Variants in GPC5 observed in about 807,000 individuals in gnomAD.
GPC5 encodes the protein glypican 5.
Under a neutral mutation model 53.9 loss-of-function variants are expected in GPC5, and 47 were observed. That is an observed-to-expected ratio of 0.87 (90% CI 0.69 to 1.11). GPC5 has a LOEUF of 1.11. Among genes scored for constraint, GPC5 ranks in the 50% most tolerant of loss-of-function variants. GPC5 has a pLI of 0.00. For missense variants in GPC5, 748 were observed against 713.1 expected (o/e 1.05, Z -0.56); for synonymous variants, 286 against 263.3 (o/e 1.09, Z -0.84).
intron 7 of GPC5, among the ~76,000 whole-genome samples, chr13:92,147,068 T>C (rs7321087): frequency 0.028 from 4,328 of 152,150 alleles, 203 homozygotes; most frequent in African/African-American, 0.098. Context: ...TGAAATTGTG[T>C]CATTAAAAAG....
At position 92,741,342 on chromosome 13, in the gene GPC5, T is replaced by C. The variant is rs967557403; in HGVS notation, c.1562-124940T>C. On this transcript the variant is annotated intron_variant, in intron 7 of 7. Transcript: ENST00000377067. ...AGAATTGAGCAATCACATTAATGTA[T>C]TCAGGCAGACCCTTTGCCGTGGGAG... 2.0e-5 allele frequency among the ~76,000 whole-genome samples: 3 copies of C among 151,854 alleles called. No homozygotes were observed. The East Asian group carries it at 5.9e-4, about 30-fold the overall frequency.
chr13:92,751,917 C>CG (rs1243105377), intron 7 of GPC5, among the ~76,000 whole-genome samples: 1 of 152,036 alleles, frequency 6.6e-6, no homozygotes, highest in Non-Finnish European at 1.5e-5. Context: ...GTTTCACTTG[C>CG]GCTGGATCTA....
intron 6 of GPC5, among the ~76,000 whole-genome samples, chr13:91,972,349 C>A (rs566333482): frequency 2.0e-5 from 3 of 152,118 alleles, no homozygotes; most frequent in Non-Finnish European, 4.4e-5. Context: ...TTATTTTAAG[C>A]CTATGTGTGT....
intron 7 of GPC5, among the ~76,000 whole-genome samples, chr13:92,396,313 C>A (rs2139330333): frequency 6.6e-6 from 1 of 152,156 alleles, no homozygotes; most frequent in South Asian, 2.1e-4. Context: ...TTATTTGTAG[C>A]ATTTCCTTTC....
At chr13:92,174,551 CAAA>C (rs1566470058) in intron 7 of GPC5, among the ~76,000 whole-genome samples, 20 of 136,940 alleles carry the variant, frequency 1.5e-4, no homozygotes, top group African/African-American at 4.2e-4. Flanking sequence ...AAAAAAAAAA[CAAA>C]AACAACAACA....
chr13:92,069,107 T>C (rs564429238), intron 6 of GPC5, among the ~76,000 whole-genome samples: 14 of 152,092 alleles, frequency 9.2e-5, no homozygotes, highest in Non-Finnish European at 1.8e-4. Flanking sequence ...CCAACACTAT[T>C]TGTTGATAAG....
At chr13:92,737,089 T>C (rs973726951) in intron 7 of GPC5, among the ~76,000 whole-genome samples, 5 of 152,034 alleles carry the variant, frequency 3.3e-5, no homozygotes, top group Non-Finnish European at 7.4e-5. Flanking sequence ...TCTTTCCTCA[T>C]GTTATATAAC....
intron 7 of GPC5, among the ~76,000 whole-genome samples, chr13:92,677,639 G>T (rs533209822): frequency 1.3e-5 from 2 of 152,288 alleles, no homozygotes; most frequent in African/African-American, 2.4e-5. Flanking sequence ...GGATAGAGAG[G>T]CATCCCACAT....
chr13:92,778,330 T>G (rs138093531), intron 7 of GPC5, among the ~76,000 whole-genome samples: 1 of 152,180 alleles, frequency 6.6e-6, no homozygotes, highest in African/African-American at 2.4e-5. Flanking sequence ...GAATCAGTCT[T>G]ATAAATGTGC....
rs570224566 is a variant in GPC5, at chr13:92,699,125, G to C, written c.1562-167157G>C. ...TCAGAACTTGTTACTGGTCTATTCA[G>C]GGATTCGACTTCTTCCTGGTTTAGT... On this transcript the variant is annotated intron_variant, in intron 7 of 7. Coordinates refer to ENST00000377067, the MANE Select transcript of GPC5 (RefSeq NM_004466.6). 1.1e-4 allele frequency among the ~76,000 whole-genome samples: 17 copies of C among 152,124 alleles called. No homozygotes were observed. In the South Asian group the frequency reaches 3.3e-3, roughly 30 times the overall value.
chr13:91,886,070 A>G (rs2039318539), intron 5 of GPC5, among the ~76,000 whole-genome samples: 1 of 152,170 alleles, frequency 6.6e-6, no homozygotes, highest in Non-Finnish European at 1.5e-5. Flanking sequence ...TCATACTGCT[A>G]TAAAGAAATA....
chr13:92,622,736 A>C (rs547045089), intron 7 of GPC5, among the ~76,000 whole-genome samples: 1 of 152,140 alleles, frequency 6.6e-6, no homozygotes, highest in East Asian at 1.9e-4. Context: ...GGCCCTTACT[A>C]ATCCACGATA....
At chr13:92,847,866 G>A (rs779494753) in intron 7 of GPC5, among the ~76,000 whole-genome samples, 7 of 152,172 alleles carry the variant, frequency 4.6e-5, no homozygotes, top group Non-Finnish European at 7.3e-5. Context: ...ACTTTGAAAT[G>A]TAAGCACTTA....
In GPC5 at chr13:91,614,201, C is replaced by T. The variant is rs201790602; in HGVS notation, c.326-78986C>T. On this transcript the variant is annotated intron_variant, in intron 2 of 7. Coordinates refer to ENST00000377067, the MANE Select transcript of GPC5 (RefSeq NM_004466.6). ...AACATGAGCCTGGGAATTTTTTCTG[C>T]AAATGTGGCACTGAGGAGGTAACTC... Among the ~76,000 whole-genome samples, 3 of 152,138 alleles carry T rather than the reference C, an allele frequency of 2.0e-5. No individual in the cohort carries two copies. In the East Asian group the frequency reaches 5.8e-4, roughly 29 times the overall value.
At position 92,339,632 on chromosome 13, in the gene GPC5, A is replaced by T. The variant is rs2043349867; in HGVS notation, c.1561+194643A>T. Among the ~76,000 whole-genome samples, 3 of 152,200 alleles carry T rather than the reference A, an allele frequency of 2.0e-5. No homozygotes were observed. The South Asian group carries it at 6.2e-4, about 32-fold the overall frequency. On this transcript the variant is annotated intron_variant, in intron 7 of 7. Transcript: ENST00000377067. ...TCTTTGATCTCCTACACAATGAAAA[A>T]TGTTCTGTGGATGTATATAAAAATC...
intron 7 of GPC5, among the ~76,000 whole-genome samples, chr13:92,719,451 C>T (rs1888439433): frequency 6.6e-6 from 1 of 152,110 alleles, no homozygotes; most frequent in South Asian, 2.1e-4. Context: ...TTGCTTGTAA[C>T]ATTCTATTCC....
chr13:91,699,681 A>G (rs1472669508), intron 3 of GPC5, among the ~76,000 whole-genome samples: 1 of 152,234 alleles, frequency 6.6e-6, no homozygotes, highest in Admixed American at 6.5e-5. Flanking sequence ...CTCTGAAAGA[A>G]TCCAATGAAA....
At chr13:92,583,063 T>C (rs1032802430) in intron 7 of GPC5, among the ~76,000 whole-genome samples, 22 of 147,512 alleles carry the variant, frequency 1.5e-4, no homozygotes, top group African/African-American at 5.3e-4. Context: ...CCTTGTCTTG[T>C]TCCTGATCAC....
intron 2 of GPC5, among the ~76,000 whole-genome samples, chr13:91,655,612 G>A (rs190201934): frequency 1.3e-5 from 2 of 152,040 alleles, no homozygotes; most frequent in African/African-American, 4.8e-5. Context: ...TTTATAATGT[G>A]TACTCTACTA....
Sources: allele counts gnomAD v4.1 joint callset (sites outside exome capture counted in the v4.1 genomes callset), GRCh38; gene constraint gnomAD v4.1.1; transcripts MANE v1.5; gene names NCBI Gene and HGNC (gene_info 2026-07-23, HGNC 2026-07-21).